The following SOAT1 variants were observed in gnomAD, a reference collection of about 807,000 sequenced individuals.
SOAT1 encodes the protein acyl-coenzyme A:cholesterol acyltransferase 1.
Under a neutral mutation model 69.5 loss-of-function variants are expected in SOAT1, and 55 were observed. The observed-to-expected ratio is 0.79, with a 90% confidence interval of 0.64 to 0.99. SOAT1 has a LOEUF of 0.99. Among genes scored for constraint, SOAT1 ranks in the 50% least tolerant of loss-of-function variants. The probability of loss-of-function intolerance (pLI) is 0.00; values close to 1 mark genes in which losing one functional copy is unlikely to be tolerated. For synonymous variants in SOAT1, 231 were observed against 224.7 expected (o/e 1.03, Z -0.25); for missense variants, 580 against 669.3 (o/e 0.87, Z 1.47).
At chr1:179,335,850 A>G (rs945928530) in intron 4 of SOAT1, among the ~76,000 whole-genome samples, 193 bp downstream of exon 4, 1 of 152,146 alleles carries the variant, frequency 6.6e-6, no homozygotes, top group African/African-American at 2.4e-5. Context: ...AAATTATAAC[A>G]TACATGCATA....
intron 10 of SOAT1, 119 bp downstream of exon 10, chr1:179,343,754 G>T: frequency 4.1e-6 from 3 of 725,242 alleles, no homozygotes; most frequent in Non-Finnish European, 6.9e-6. Flanking sequence ...TTGACATTAT[G>T]CAGTCTTTTA....
chr1:179,337,805 TTA>T (rs1666208570), intron 4 of SOAT1, 30 bp from the exon 5 acceptor site: 1 of 1,517,628 alleles, frequency 6.6e-7, no homozygotes, highest in Non-Finnish European at 9.0e-7. Flanking sequence ...CTTGAAGTAC[TTA>T]TATCTTGTTT....
chr1:179,353,547 A>C, intron 15 of SOAT1, 38 bp from the exon 16 acceptor site: 1 of 1,578,638 alleles, frequency 6.3e-7, no homozygotes, highest in East Asian at 2.2e-5. Flanking sequence ...TACTCTGTAC[A>C]CAAATTATTT....
chr1:179,302,500 A>T (rs989563489), intron 1 of SOAT1, among the ~76,000 whole-genome samples, 177 bp from the exon 2 acceptor site: 1 of 152,146 alleles, frequency 6.6e-6, no homozygotes, highest in African/African-American at 2.4e-5. Context: ...GCCACGTAAG[A>T]CATGCCTTGC....
chr1:179,327,308 C>A (rs1159801387), intron 3 of SOAT1, among the ~76,000 whole-genome samples: 1 of 152,142 alleles, frequency 6.6e-6, no homozygotes, highest in Non-Finnish European at 1.5e-5. Flanking sequence ...TCTTTCCGGT[C>A]ATTTATAATT....
chr1:179,337,863 G>C lies in SOAT1; in HGVS notation c.356G>C (p.Gly119Ala). 1 of 1,610,656 alleles carries C rather than the reference G, an allele frequency of 6.2e-7. No individual in the cohort carries two copies. The highest frequency in any genetic ancestry group is 8.5e-7 in the Non-Finnish European group (1 of 1,178,366). The change falls in exon 5 of 16, where the codon GGA becomes GCA. Residue 119 changes from glycine (G) to alanine (A), a missense_variant. Physicochemically the swap from Gly to Ala is moderately conservative, Grantham distance 60. Transcript: ENST00000367619. ...AKDLRAPPEQ[G>A]KIFIARRSLL... is the part of the protein sequence containing the mutation. Reference sequence around the variant, plus strand: ...GATTTGAGAGCACCTCCAGAACAAGGAAAGATTTTTATTGCAAGGCGCTCT... The same window carrying C: ...GATTTGAGAGCACCTCCAGAACAAGCAAAGATTTTTATTGCAAGGCGCTCT...
chr1:179,295,110 G>C (rs1252700067), intron 1 of SOAT1, among the ~76,000 whole-genome samples: 1 of 152,106 alleles, frequency 6.6e-6, no homozygotes, highest in Non-Finnish European at 1.5e-5. Context: ...TGCATCTGAG[G>C]TTTCGCAGTC....
chr1:179,352,381 T>C lies in SOAT1; in HGVS notation c.1596+919T>C, dbSNP rs1028529355. On this transcript the variant is annotated intron_variant, in intron 15 of 15. Coordinates refer to ENST00000367619, the MANE Select transcript of SOAT1 (RefSeq NM_003101.6). ...ATCTACTAGCACTAGCTGAAAGTAC[T>C]GCTTATAGTTATGGATAGAATTTCA... Among the ~76,000 whole-genome samples, 14 of 152,214 alleles carry C rather than the reference T, an allele frequency of 9.2e-5. No individual in the cohort carries two copies. In the East Asian group the frequency reaches 2.3e-3, roughly 25 times the overall value.
chr1:179,358,247 ACT>A lies in SOAT1; in HGVS notation c.*4609_*4610del, dbSNP rs1251336231. ...CAAGCATATTATTAAAGTTTAAAAA[ACT>A]CTAAAACTTCTGTACTGTTTTTTTC... On this transcript the variant is annotated 3_prime_UTR_variant, in exon 16 of 16. Transcript: ENST00000367619. 1 of 151,898 alleles carries A rather than the reference ACT, an allele frequency of 6.6e-6. No individual in the cohort carries two copies. Among genetic ancestry groups the A allele is most frequent in the Non-Finnish European group, 1.5e-5 (1 of 67,958 alleles). The allele number at this position is 151,898 out of a possible 1,614,324, so 9.4% of individuals were successfully genotyped here.
rs777272442 is a variant in SOAT1 at position 179,347,742 on chromosome 1, T to G, written c.1215+45T>G. ...AGCTTTCTTTTTACATTTTATTAAC[T>G]TCTTCATTATTAGTATTTTGACATT... On this transcript the variant is annotated intron_variant, in intron 12 of 15. Transcript: ENST00000367619. The G allele has an allele frequency of 1.9e-5, 20 of 1,070,286 alleles. No individual in the cohort carries two copies. The East Asian group carries it at 4.6e-4, about 25-fold the overall frequency. 66.3% of individuals were successfully genotyped at this position (1,070,286 alleles called of 1,614,324 possible). A position where few individuals can be genotyped will look rare whatever the true frequency, so the allele number is the denominator to read the frequency against.
At chr1:179,319,377 C>T (rs1665515737) in intron 2 of SOAT1, among the ~76,000 whole-genome samples, 1 of 151,070 alleles carries the variant, frequency 6.6e-6, no homozygotes, top group African/African-American at 2.4e-5. Flanking sequence ...TCAAGCTATT[C>T]ACCTGCCTCA....
intron 2 of SOAT1, among the ~76,000 whole-genome samples, chr1:179,312,242 G>A (rs936433623): frequency 6.6e-6 from 1 of 152,150 alleles, no homozygotes; most frequent in African/African-American, 2.4e-5. Flanking sequence ...TTTTTCTGTA[G>A]CGCATGGCAA....
chr1:179,317,857 C>G (rs1007567338), intron 2 of SOAT1, among the ~76,000 whole-genome samples: 3 of 151,968 alleles, frequency 2.0e-5, no homozygotes, highest in African/African-American at 2.4e-5. Flanking sequence ...TATTCACAAA[C>G]TCATTTGTGA....
intron 1 of SOAT1, 23 bp from the exon 2 acceptor site, chr1:179,302,654 G>A (rs887148786): frequency 1.3e-6 from 2 of 1,517,476 alleles, no homozygotes; most frequent in African/African-American, 1.4e-5. Flanking sequence ...TAATACGAAA[G>A]CTTTTTACAC....
intron 2 of SOAT1, among the ~76,000 whole-genome samples, chr1:179,310,194 C>A (rs2124945863): frequency 7.1e-6 from 1 of 141,558 alleles, no homozygotes. Context: ...GCCACCACGC[C>A]TGGCTGCTTA....
chr1:179,302,886 T>C, intron 2 of SOAT1, 84 bp downstream of exon 2: 1 of 688,970 alleles, frequency 1.5e-6, no homozygotes. Context: ...GCCATCTCTT[T>C]AATTCTTTAT....
intron 13 of SOAT1, among the ~76,000 whole-genome samples, chr1:179,349,277 A>G (rs916258944): frequency 1.3e-5 from 2 of 150,970 alleles, no homozygotes; most frequent in African/African-American, 4.9e-5. Context: ...CCAACAAATA[A>G]TCTCCCTTTG....
intron 2 of SOAT1, among the ~76,000 whole-genome samples, chr1:179,304,814 A>G (rs1664949497): frequency 6.6e-6 from 1 of 151,554 alleles, no homozygotes; most frequent in Non-Finnish European, 1.5e-5. Context: ...ACGCCTGGCT[A>G]ATTTTTGTAT....
At chr1:179,333,565 G>A (rs1038900081) in intron 3 of SOAT1, among the ~76,000 whole-genome samples, 2 of 152,056 alleles carry the variant, frequency 1.3e-5, no homozygotes, top group African/African-American at 4.8e-5. Flanking sequence ...TTCAGGCGGG[G>A]CACGGTGGCT....
Sources: gnomAD v4.1 joint callset for allele counts (sites outside exome capture counted in the v4.1 genomes callset) on GRCh38, gnomAD v4.1.1 for gene constraint, MANE v1.5 for transcripts, NCBI Gene and HGNC (gene_info 2026-07-23, HGNC 2026-07-21) for gene names.